Variants in MIPEP observed in about 807,000 individuals in gnomAD.
MIPEP encodes the protein mitochondrial intermediate peptidase.
Under a neutral mutation model 90.3 loss-of-function variants are expected in MIPEP, and 79 were observed. The ratio of observed to expected loss-of-function variants is 0.87; its 90% CI spans 0.73 to 1.05. The LOEUF (loss-of-function observed/expected upper bound fraction) is 1.05, where lower values mean the gene tolerates loss of function less well. Among genes scored for constraint, MIPEP ranks in the 50% least tolerant of loss-of-function variants. The probability of loss-of-function intolerance (pLI) is 0.00; values close to 1 mark genes in which losing one functional copy is unlikely to be tolerated. For synonymous variants in MIPEP, 334 were observed against 315.8 expected (o/e 1.06, Z -0.61); for missense variants, 940 against 905.6 (o/e 1.04, Z -0.49).
intron 14 of MIPEP, among the ~76,000 whole-genome samples, chr13:23,829,119 C>T (rs567680708): frequency 9.2e-5 from 14 of 152,216 alleles, no homozygotes; most frequent in African/African-American, 2.4e-4. Flanking sequence ...GTTACTCACA[C>T]GGAAGAAAGT....
At chr13:23,880,659 T>C (rs1254486238) in intron 3 of MIPEP, among the ~76,000 whole-genome samples, 1 of 152,162 alleles carries the variant, frequency 6.6e-6, no homozygotes, top group Non-Finnish European at 1.5e-5. Context: ...CTTTCAGCCC[T>C]GTCAGCATGC....
At chr13:23,887,773 T>C (rs1264285778) in intron 1 of MIPEP, among the ~76,000 whole-genome samples, 1 of 152,220 alleles carries the variant, frequency 6.6e-6, no homozygotes, top group Non-Finnish European at 1.5e-5. Flanking sequence ...TGACAAGCCC[T>C]ACTGTTTCTA....
rs574303510 is a variant in MIPEP, at chr13:23,764,284, G to A, written c.1849-4067C>T. On this transcript the variant is annotated intron_variant, in intron 16 of 18. Coordinates refer to ENST00000382172, the MANE Select transcript of MIPEP (RefSeq NM_005932.4). ...TGATCCCATACGAAAGACAAAACTT[G>A]GAGCCAGCAAAGCAGCCTGTCAGGA... Among the ~76,000 whole-genome samples the A allele has an allele frequency of 2.6e-5, 4 of 152,288 alleles. No individual in the cohort carries two copies. The East Asian group carries it at 7.7e-4, about 29-fold the overall frequency.
intron 10 of MIPEP, among the ~76,000 whole-genome samples, chr13:23,846,398 A>C (rs1245922675): frequency 1.3e-5 from 2 of 152,206 alleles, no homozygotes; most frequent in Non-Finnish European, 2.9e-5. Flanking sequence ...TTTAAAATGC[A>C]AAGATTCATG....
chr13:23,868,419 G>T (rs1870636933), intron 7 of MIPEP, among the ~76,000 whole-genome samples: 1 of 152,176 alleles, frequency 6.6e-6, no homozygotes, highest in South Asian at 2.1e-4. Flanking sequence ...CTTTGGAGAA[G>T]AGAGGAACAT....
Position 23,841,344 on chromosome 13 carries a change from G to A in MIPEP, c.1251C>T (p.Val417=). Residue 417 remains valine, a synonymous_variant, in exon 11 of 19, where the codon GTC becomes GTT. Transcript: ENST00000382172. ...AGCAGGAGGAGCTCACCAGTTTTCG[G>A]ACATCTTCGCTCCACACCTCTCCTT... The part of the protein sequence containing the change: ...PAKGEVWSED[V]RKLAVVHESE... 5 of 1,610,152 alleles carry A rather than the reference G, an allele frequency of 3.1e-6. No individual in the cohort carries two copies. The highest frequency in any genetic ancestry group is 4.2e-6 in the Non-Finnish European group (5 of 1,178,918).
intron 7 of MIPEP, among the ~76,000 whole-genome samples, chr13:23,866,683 G>C (rs547242632): frequency 1.3e-5 from 2 of 152,238 alleles, no homozygotes; most frequent in South Asian, 4.2e-4. Flanking sequence ...TCTTAAACTT[G>C]AAGGCCCCAG....
At chr13:23,841,274 A>G (rs1869282589) in intron 11 of MIPEP, 61 bp downstream of exon 11, 1 of 1,487,666 alleles carries the variant, frequency 6.7e-7, no homozygotes, top group Non-Finnish European at 9.1e-7. Flanking sequence ...ACTGCTGTTG[A>G]CTCAACTGCC....
At position 23,858,909 on chromosome 13, in the gene MIPEP, C is replaced by T. The variant is rs1421344086; in HGVS notation, c.1057G>A (p.Val353Ile). ...KMKLNPQNSE[V>I]MPWDPPYYSG... The stretch of plus-strand genomic sequence containing the variant: ...TAGTAAGGGGGGTCCCAGGGCATTA[C>T]TTCCTACAATGGAATAATTCACTGT... Residue 353 changes from valine to isoleucine, a missense_variant, in exon 10 of 19, where the codon GTA (valine) becomes ATA (isoleucine). Val to Ile is a conservative substitution (Grantham distance 29). Transcript: ENST00000382172. 6 of 1,613,084 alleles carry T rather than the reference C, an allele frequency of 3.7e-6. No homozygotes were observed. The highest frequency in any genetic ancestry group is 4.5e-5 in the East Asian group (2 of 44,874).
intron 14 of MIPEP, among the ~76,000 whole-genome samples, chr13:23,815,445 T>G (rs1449063813): frequency 6.6e-6 from 1 of 152,038 alleles, no homozygotes; most frequent in African/African-American, 2.4e-5. Context: ...GCTTCCCAAG[T>G]AGCTGGGATT....
In MIPEP at chr13:23,850,266, A is replaced by G. The variant is rs116019696; in HGVS notation, c.1106+8594T>C. Among the ~76,000 whole-genome samples, 747 of 152,326 alleles carry G rather than the reference A, an allele frequency of 4.9e-3. 7 individuals carry two copies. Among genetic ancestry groups the G allele is most frequent in the African/African-American group, 0.017 (707 of 41,570 alleles). On this transcript the variant is annotated intron_variant, in intron 10 of 18. Coordinates refer to ENST00000382172, the MANE Select transcript of MIPEP (RefSeq NM_005932.4). ...AATTCTCATGTTATAGCTGGGTGAC[A>G]TTTTGAAATGCTGCCTTGAAAACCA...
At chr13:23,791,398 T>A (rs9510860) in intron 16 of MIPEP, among the ~76,000 whole-genome samples, 35,759 of 151,930 alleles carry the variant, frequency 0.24, 4,908 homozygotes, top group African/African-American at 0.38. Context: ...CCTGCTCCTC[T>A]CTCCTCAAAT....
chr13:23,824,093 A>T lies in MIPEP; in HGVS notation c.1653+12147T>A, dbSNP rs150080560. ...GAAGCTAGCACAGCATTTTGGAATG[A>T]TTCTAAAAATAACACCAAAAAATAC... On this transcript the variant is annotated intron_variant, in intron 14 of 18. Coordinates refer to ENST00000382172, the MANE Select transcript of MIPEP (RefSeq NM_005932.4). Among the ~76,000 whole-genome samples the T allele has an allele frequency of 5.6e-3, 857 of 152,360 alleles. 8 individuals are homozygous for T. Among genetic ancestry groups the T allele is most frequent in the African/African-American group, 0.019 (803 of 41,576 alleles).
chr13:23,830,309 C>T (rs1286290885), intron 14 of MIPEP, among the ~76,000 whole-genome samples: 1 of 152,058 alleles, frequency 6.6e-6, no homozygotes, highest in Non-Finnish European at 1.5e-5. Context: ...TTTTAAATAA[C>T]AGAAGATTAT....
chr13:23,764,522 A>G (rs530331488), intron 16 of MIPEP, among the ~76,000 whole-genome samples: 1 of 152,330 alleles, frequency 6.6e-6, no homozygotes, highest in Non-Finnish European at 1.5e-5. Flanking sequence ...TGTGCTAGAT[A>G]TGGAATAACG....
At chr13:23,853,576 T>C (rs1413135266) in intron 10 of MIPEP, among the ~76,000 whole-genome samples, 1 of 151,900 alleles carries the variant, frequency 6.6e-6, no homozygotes, top group Non-Finnish European at 1.5e-5. Context: ...TTTTTTTTTT[T>C]CTGAGACAAA....
chr13:23,787,500 T>C (rs1443828411), intron 16 of MIPEP, among the ~76,000 whole-genome samples: 1 of 152,070 alleles, frequency 6.6e-6, no homozygotes, highest in Non-Finnish European at 1.5e-5. Context: ...ACTAATCCCT[T>C]CATGAGGGCT....
At chr13:23,868,427 C>A (rs1870638501) in intron 7 of MIPEP, among the ~76,000 whole-genome samples, 1 of 152,070 alleles carries the variant, frequency 6.6e-6, no homozygotes, top group Admixed American at 6.6e-5. Flanking sequence ...AAGAGAGGAA[C>A]ATGCTAGGGT....
At chr13:23,785,894 C>T (rs928005723) in intron 16 of MIPEP, among the ~76,000 whole-genome samples, 2 of 151,782 alleles carry the variant, frequency 1.3e-5, no homozygotes, top group Non-Finnish European at 2.9e-5. Context: ...AATACCTTTT[C>T]AAATCAGTGG....
Sources: gnomAD v4.1 joint callset for allele counts (sites outside exome capture counted in the v4.1 genomes callset) on GRCh38, gnomAD v4.1.1 for gene constraint, MANE v1.5 for transcripts, NCBI Gene and HGNC (gene_info 2026-07-23, HGNC 2026-07-21) for gene names.